Variants in POT1 observed in about 807,000 individuals in gnomAD.
The protein encoded by POT1 is protection of telomeres protein 1.
POT1 carries 47 observed loss-of-function variants against 78.5 expected under a neutral mutation model. That is an observed-to-expected ratio of 0.60 (90% CI 0.47 to 0.76). The LOEUF is 0.76. Among genes scored for constraint, POT1 ranks in the 30% least tolerant of loss-of-function variants. The pLI, the probability that POT1 is intolerant of heterozygous loss-of-function variation, is 0.00. For missense variants in POT1, 646 were observed against 749.9 expected (o/e 0.86, Z 1.62); for synonymous variants, 259 against 260.7 (o/e 0.99, Z 0.06).
intron 2 of POT1, among the ~76,000 whole-genome samples, chr7:124,926,905 T>G (rs1233640530): frequency 6.6e-6 from 1 of 152,018 alleles, no homozygotes; most frequent in Admixed American, 6.6e-5. Context: ...TGTACAGAGA[T>G]GGACAATGGA....
chr7:124,852,880 T>C, intron 10 of POT1, 92 bp downstream of exon 10: 1 of 1,148,202 alleles, frequency 8.7e-7, no homozygotes, highest in East Asian at 2.5e-5. Flanking sequence ...CACAAAAGGC[T>C]AGGGAACTAT....
intron 2 of POT1, among the ~76,000 whole-genome samples, chr7:124,924,471 T>G (rs1584534363): frequency 6.6e-6 from 1 of 151,800 alleles, no homozygotes. Context: ...ACAGCAAGAC[T>G]GTATCAGTAA....
chr7:124,918,087 C>T (rs188977450), intron 2 of POT1, among the ~76,000 whole-genome samples: 1 of 152,334 alleles, frequency 6.6e-6, no homozygotes, highest in East Asian at 1.9e-4. Flanking sequence ...ACTGCTCTAA[C>T]CATGAGCCAG....
At position 124,863,650 on chromosome 7, in the gene POT1, T is replaced by A. The variant is rs760102890; in HGVS notation, c.256-10A>T. On this transcript the variant is annotated splice_polypyrimidine_tract_variant and intron_variant, in intron 7 of 18. Coordinates refer to ENST00000357628, the MANE Select transcript of POT1 (RefSeq NM_015450.3). ...TTTTATATACTTGAATCTAAGAAAG[T>A]AGGGCAAAGTAGAAAACAGATACAA... 6.3e-7 allele frequency: 1 copy of A among 1,589,018 alleles called. No individual in the cohort carries two copies. Among genetic ancestry groups the A allele is most frequent in the Non-Finnish European group, 8.6e-7 (1 of 1,166,824 alleles).
chr7:124,871,103 A>G, intron 6 of POT1, 62 bp from the exon 7 acceptor site: 1 of 1,400,420 alleles, frequency 7.1e-7, no homozygotes, highest in Non-Finnish European at 9.7e-7. Flanking sequence ...ATAAAATAAG[A>G]ATATGCTTAC....
At chr7:124,918,418 T>C (rs1311720252) in intron 2 of POT1, among the ~76,000 whole-genome samples, 2 of 152,124 alleles carry the variant, frequency 1.3e-5, no homozygotes, top group Non-Finnish European at 2.9e-5. Context: ...GTTTCTTGTG[T>C]GAAAGGCAGA....
intron 13 of POT1, among the ~76,000 whole-genome samples, chr7:124,842,605 T>C (rs1795054373): frequency 6.6e-6 from 1 of 152,032 alleles, no homozygotes; most frequent in Admixed American, 6.6e-5. Context: ...ATTTTAGATC[T>C]GAAAATAGCA....
At chr7:124,886,484 G>GT (rs1293415264) in intron 6 of POT1, among the ~76,000 whole-genome samples, 10 of 152,014 alleles carry the variant, frequency 6.6e-5, no homozygotes, top group African/African-American at 1.7e-4. Flanking sequence ...TGTAACTGAA[G>GT]TTACTAGAGA....
intron 5 of POT1, among the ~76,000 whole-genome samples, chr7:124,896,932 T>C (rs1327706357): frequency 6.6e-6 from 1 of 151,784 alleles, no homozygotes; most frequent in African/African-American, 2.4e-5. Context: ...ACACAAAATA[T>C]CAGCAGATAT....
At chr7:124,876,849 T>C (rs530144658) in intron 6 of POT1, among the ~76,000 whole-genome samples, 132 of 152,334 alleles carry the variant, frequency 8.7e-4, no homozygotes, top group African/African-American at 3.1e-3. Flanking sequence ...CTACTCTACA[T>C]AGACTTTGTT....
chr7:124,853,301 G>A (rs1795363618), intron 9 of POT1, 163 bp from the exon 10 acceptor site: 1 of 571,536 alleles, frequency 1.7e-6, no homozygotes, highest in Non-Finnish European at 3.0e-6. Context: ...TTGAATATCA[G>A]CTGCATGGAC....
At chr7:124,879,124 C>A (rs1796058281) in intron 6 of POT1, among the ~76,000 whole-genome samples, 1 of 152,126 alleles carries the variant, frequency 6.6e-6, no homozygotes, top group Non-Finnish European at 1.5e-5. Flanking sequence ...CATGGTAACA[C>A]TTCTAAAAAA....
rs764662850 is a variant in POT1, at chr7:124,829,353, T to C, written c.1506-11A>G. 6.7e-6 allele frequency: 10 copies of C among 1,483,088 alleles called. No individual in the cohort carries two copies. The highest frequency in any genetic ancestry group is 9.3e-6 in the Non-Finnish European group (10 of 1,074,004). The allele number at this position is 1,483,088 out of a possible 1,614,324, so 91.9% of individuals were successfully genotyped here. On this transcript the variant is annotated splice_polypyrimidine_tract_variant and intron_variant, in intron 15 of 18. Coordinates refer to ENST00000357628, the MANE Select transcript of POT1 (RefSeq NM_015450.3). The stretch of plus-strand genomic sequence containing the variant: ...GAACACTGTTTACATCTGAAATTTA[T>C]AAAAGAAAGAACCATAAATATTTAA...
At position 124,833,013 on chromosome 7, in the gene POT1, G is replaced by A. The variant is rs371546434; in HGVS notation, c.1505+2266C>T. Among the ~76,000 whole-genome samples the A allele has an allele frequency of 2.7e-4, 41 of 152,086 alleles. 1 individual carries two copies. Among genetic ancestry groups the A allele is most frequent in the African/African-American group, 9.2e-4 (38 of 41,498 alleles). ...AACAAAAGCAAGTGAGCGAGGATGA[G>A]CATGCAAAAAGAGAAAGCTCAGTGA... On this transcript the variant is annotated intron_variant, in intron 15 of 18. Transcript: ENST00000357628.
At chr7:124,918,789 C>T (rs886789289) in intron 2 of POT1, among the ~76,000 whole-genome samples, 1 of 152,080 alleles carries the variant, frequency 6.6e-6, no homozygotes, top group African/African-American at 2.4e-5. Flanking sequence ...AATGAGGTTT[C>T]TCTCCCTCTC....
At chr7:124,877,161 G>A (rs911304156) in intron 6 of POT1, among the ~76,000 whole-genome samples, 32 of 152,184 alleles carry the variant, frequency 2.1e-4, no homozygotes, top group Non-Finnish European at 5.9e-5. Context: ...ACCAATGCAA[G>A]ACTGTGAAGC....
At chr7:124,877,840 C>CAAAAAAAAAAAAAAAAAAAAAAAA (rs201285982) in intron 6 of POT1, among the ~76,000 whole-genome samples, 5 of 80,574 alleles carry the variant, frequency 6.2e-5, no homozygotes, top group Admixed American at 1.3e-4. Context: ...GATTCTGTCT[C>CAAAAAAAAAAAAAAAAAAAAAAAA]AAAAAAAAAA....
At chr7:124,903,786 A>G (rs4568548) in intron 3 of POT1, among the ~76,000 whole-genome samples, 91,226 of 151,850 alleles carry the variant, frequency 0.6, 27,524 homozygotes, top group African/African-American at 0.65. Flanking sequence ...AGCAAGACTA[A>G]TAAAGAAGAA....
rs1482990952 is a variant in POT1, at chr7:124,829,258, T to C, written c.1590A>G (p.Ala530=). ...DKTSWIPSSV[A]EALGIVPLQY... ...GGGCATGGAAATTTAGCTAACCTTC[T>C]GCCACAGAAGAAGGAATCCACGATG... Residue 530 remains alanine (A), a synonymous_variant, in exon 16 of 19, where the codon GCA becomes GCG. Coordinates refer to ENST00000357628, the MANE Select transcript of POT1 (RefSeq NM_015450.3). The C allele has an allele frequency of 3.1e-6, 5 of 1,593,732 alleles. No homozygotes were observed.
Sources: allele counts gnomAD v4.1 joint callset (sites outside exome capture counted in the v4.1 genomes callset), GRCh38; gene constraint gnomAD v4.1.1; transcripts MANE v1.5; gene names NCBI Gene and HGNC (gene_info 2026-07-23, HGNC 2026-07-21).